Variants in ADGRA3 observed in about 807,000 individuals in gnomAD.
The protein encoded by ADGRA3 is G-protein coupled receptor 125.
A neutral mutation model predicts 119.8 loss-of-function variants in ADGRA3; 56 were observed. That is an observed-to-expected ratio of 0.47 (90% CI 0.38 to 0.58). The LOEUF (loss-of-function observed/expected upper bound fraction) is 0.58, where lower values mean the gene tolerates loss of function less well. Ranked by LOEUF, ADGRA3 falls within the 20% of genes least tolerant of loss-of-function variation. The pLI is 0.00. For missense variants in ADGRA3, 1,516 were observed against 1,649.0 expected, an observed-to-expected ratio of 0.92 and a Z score of 1.40; for synonymous variants, 607 against 623.8, an observed-to-expected ratio of 0.97 and a Z score of 0.40.
intron 16 of ADGRA3, 113 bp from the exon 17 acceptor site, chr4:22,392,803 C>G: frequency 1.1e-6 from 1 of 892,486 alleles, no homozygotes; most frequent in Non-Finnish European, 1.7e-6. Context: ...GAAGGCCTAT[C>G]CTAATAATCA....
chr4:22,392,080 T>C (rs1412674452), intron 17 of ADGRA3, among the ~76,000 whole-genome samples: 2 of 152,250 alleles, frequency 1.3e-5, no homozygotes, highest in African/African-American at 4.8e-5. Context: ...CACTGATAGA[T>C]TTTATTCATC....
intron 1 of ADGRA3, among the ~76,000 whole-genome samples, chr4:22,479,808 T>C (rs998311159): frequency 2.0e-5 from 3 of 146,632 alleles, no homozygotes; most frequent in Non-Finnish European, 4.5e-5. Flanking sequence ...TGGAATACTA[T>C]GCAGCCATAA....
At chr4:22,509,507 A>AAAAAG (rs201541180) in intron 1 of ADGRA3, among the ~76,000 whole-genome samples, 2 of 151,358 alleles carry the variant, frequency 1.3e-5, no homozygotes, top group Admixed American at 6.6e-5. Context: ...CATCTCAAAA[A>AAAAAG]AAAAGAAAAG....
At chr4:22,413,932 GA>G in intron 12 of ADGRA3, 118 bp from the exon 13 acceptor site, 1 of 632,346 alleles carries the variant, frequency 1.6e-6, no homozygotes, top group East Asian at 2.9e-5. Flanking sequence ...TTTTAAATTG[GA>G]TATACAAAAT....
intron 16 of ADGRA3, chr4:22,394,259 T>C (rs910586290): frequency 2.0e-5 from 3 of 152,162 alleles, no homozygotes; most frequent in African/African-American, 4.8e-5. Context: ...AGCAAACACT[T>C]GGTGACCTGA....
At chr4:22,470,157 T>C (rs908896323) in intron 2 of ADGRA3, among the ~76,000 whole-genome samples, 8 of 152,288 alleles carry the variant, frequency 5.3e-5, no homozygotes, top group Admixed American at 2.0e-4. Context: ...TTAATTAATA[T>C]GATACAATAC....
At chr4:22,476,313 C>T (rs1718042099) in intron 1 of ADGRA3, among the ~76,000 whole-genome samples, 1 of 152,126 alleles carries the variant, frequency 6.6e-6, no homozygotes, top group Non-Finnish European at 1.5e-5. Flanking sequence ...AGCCGGCACT[C>T]ACCAAACTGA....
intron 12 of ADGRA3, among the ~76,000 whole-genome samples, chr4:22,415,900 T>C (rs1055314501): frequency 7.2e-5 from 11 of 151,992 alleles, no homozygotes; most frequent in African/African-American, 2.7e-4. Context: ...CAGAGCTATA[T>C]ACTCATGGCT....
At position 22,471,969 on chromosome 4, in the gene ADGRA3, G is replaced by T. The variant is rs1286181790; in HGVS notation, c.329+1803C>A. ...AAATTAAGAAATAGATGCAAAAAGG[G>T]TAGTAATTCACACCACAGCACAGAA... On this transcript the variant is annotated intron_variant, in intron 2 of 18. Transcript: ENST00000334304. 3.3e-5 allele frequency among the ~76,000 whole-genome samples: 5 copies of T among 152,040 alleles called. No individual in the cohort carries two copies. In the East Asian group the frequency reaches 9.6e-4, roughly 29 times the overall value.
In ADGRA3 at chr4:22,515,556, C is replaced by A. The variant is rs1719626922; in HGVS notation, c.229G>T (p.Asp77Tyr). The change falls in exon 1 of 19, where the codon GAT becomes TAT. Residue 77 changes from aspartate to tyrosine, a missense_variant. By Grantham distance (160) the Asp-to-Tyr change is radical. Coordinates refer to ENST00000334304, the MANE Select transcript of ADGRA3 (RefSeq NM_145290.4). Reference protein sequence around the residue: ...SLELAQVLPPDTLPNRTVTLI... With the variant: ...SLELAQVLPPYTLPNRTVTLI... The stretch of plus-strand genomic sequence containing the variant: ...GTGACCGTGCGGTTGGGCAGAGTAT[C>A]TGGGGGCAGGACCTGCGCGAGTTCC... 1.9e-6 allele frequency: 3 copies of A among 1,605,672 alleles called. No homozygotes were observed. Among genetic ancestry groups the A allele is most frequent in the Non-Finnish European group, 2.6e-6 (3 of 1,176,228 alleles).
chr4:22,450,320 T>G (rs1716988673), intron 4 of ADGRA3, among the ~76,000 whole-genome samples: 1 of 151,474 alleles, frequency 6.6e-6, no homozygotes, highest in Non-Finnish European at 1.5e-5. Flanking sequence ...TGGAGAGCAG[T>G]GGATGGAGTA....
In ADGRA3 at chr4:22,387,828, A is replaced by T. The variant is rs768269484; in HGVS notation, c.3843T>A (p.Tyr1281Ter). The T allele has an allele frequency of 1.2e-6, 2 of 1,614,160 alleles. No individual in the cohort carries two copies. The highest frequency in any genetic ancestry group is 1.7e-6 in the Non-Finnish European group (2 of 1,179,998). The change falls in exon 19 of 19, where the codon TAT becomes TAA. Residue 1281 changes from tyrosine to a stop codon, truncating the protein, a stop_gained. Coordinates refer to ENST00000334304, the MANE Select transcript of ADGRA3 (RefSeq NM_145290.4). LOFTEE classifies it high-confidence loss of function. The part of the protein sequence containing the change: ...VVELENQQKS[Y>*]GLNLAIQNGP... Reference sequence around the variant, plus strand: ...CATTCTGAATGGCCAAGTTGAGGCCATAAGATTTTTGCTGATTTTCAAGTT... The same window carrying T: ...CATTCTGAATGGCCAAGTTGAGGCCTTAAGATTTTTGCTGATTTTCAAGTT...
rs767251957 is a variant in ADGRA3, at chr4:22,389,075, A to G, written c.2723+13T>C. On this transcript the variant is annotated intron_variant, in intron 18 of 18. Transcript: ENST00000334304. The stretch of plus-strand genomic sequence containing the variant: ...CAACTGGGTCAAGTACACAGAGAAT[A>G]TAAAATACTCACTAGGGTGCGTTTG... 6.2e-7 allele frequency: 1 copy of G among 1,611,846 alleles called. No homozygotes were observed. The highest frequency in any genetic ancestry group is 8.5e-7 in the Non-Finnish European group (1 of 1,178,274).
chr4:22,487,375 T>C (rs1334373364), intron 1 of ADGRA3, among the ~76,000 whole-genome samples: 1 of 152,178 alleles, frequency 6.6e-6, no homozygotes, highest in African/African-American at 2.4e-5. Context: ...GCATGCAACC[T>C]AGCTCCTTCG....
chr4:22,431,138 G>A (rs61791989), intron 10 of ADGRA3, among the ~76,000 whole-genome samples: 5,487 of 152,222 alleles, frequency 0.036, 209 homozygotes, highest in African/African-American at 0.097. Context: ...GTGCAGAAGG[G>A]AAATGTGGGG....
chr4:22,486,294 G>A (rs1718431223), intron 1 of ADGRA3, among the ~76,000 whole-genome samples: 1 of 152,090 alleles, frequency 6.6e-6, no homozygotes, highest in East Asian at 1.9e-4. Context: ...GGGCCATAAA[G>A]GGGTCATTTC....
At chr4:22,482,464 T>G (rs764295336) in intron 1 of ADGRA3, among the ~76,000 whole-genome samples, 1 of 148,752 alleles carries the variant, frequency 6.7e-6, no homozygotes, top group African/African-American at 2.5e-5. Context: ...GAGACCAGCC[T>G]GGGCAACACA....
At chr4:22,394,382 T>C (rs958073746) in intron 16 of ADGRA3, 1 of 152,126 alleles carries the variant, frequency 6.6e-6, no homozygotes, top group Non-Finnish European at 1.5e-5. Context: ...ACTACAAACG[T>C]CAGAAATGAT....
rs1190107172 is a variant in ADGRA3, at chr4:22,388,256, C to T, written c.3415G>A (p.Asp1139Asn). Residue 1139 changes from aspartate (D) to asparagine (N), a missense_variant, in exon 19 of 19, where the codon GAT becomes AAT. Around this residue, in one of 2 missense-constraint regions of ADGRA3, gnomAD observed 1,088 missense variants for 1,107.1 expected, o/e 0.98. Coordinates refer to ENST00000334304, the MANE Select transcript of ADGRA3 (RefSeq NM_145290.4). The part of the protein sequence containing the change: ...SLPLNSTPQL[D>N]NSLTEHSMDN... Reference sequence around the variant, plus strand: ...ATTGAATGTTCTGTCAGACTATTATCAAGCTGAGGGGTGGAGTTCAAAGGT... The same window carrying T: ...ATTGAATGTTCTGTCAGACTATTATTAAGCTGAGGGGTGGAGTTCAAAGGT... The T allele has an allele frequency of 5.0e-6, 8 of 1,613,980 alleles. No homozygotes were observed. The highest frequency in any genetic ancestry group is 5.1e-6 in the Non-Finnish European group (6 of 1,179,920).
Sources: allele counts gnomAD v4.1 joint callset (sites outside exome capture counted in the v4.1 genomes callset), GRCh38; gene constraint gnomAD v4.1.1; regional missense constraint gnomAD v4.1.1; transcripts MANE v1.5; gene names NCBI Gene and HGNC (gene_info 2026-07-23, HGNC 2026-07-21).